Variants in SPRED1 observed in about 807,000 individuals in gnomAD.
SPRED1 encodes the protein sprouty related EVH1 domain containing 1.
Under a neutral mutation model 52.3 loss-of-function variants are expected in SPRED1, and 18 were observed. That is an observed-to-expected ratio of 0.34 (90% CI 0.24 to 0.51). The LOEUF (loss-of-function observed/expected upper bound fraction) is 0.51, where lower values mean the gene tolerates loss of function less well. SPRED1 is among the 20% of genes least tolerant of loss of function. SPRED1 has a pLI of 0.97. For synonymous variants in SPRED1, 155 were observed against 179.7 expected, an observed-to-expected ratio of 0.86 and a Z score of 1.10; for missense variants, 485 against 551.0, an observed-to-expected ratio of 0.88 and a Z score of 1.20.
chr15:38,351,402 C>G lies in SPRED1; in HGVS notation c.1073C>G (p.Pro358Arg), dbSNP rs760186912. ...GGAAAATGTCAGGATGCTCCAGACC[C>G]TATTAAAAGATGCATATATCAAGTT... The part of the protein sequence containing the change: ...VRGKCQDAPD[P>R]IKRCIYQVSC... The change falls in exon 7 of 7, where the codon CCT becomes CGT. Residue 358 changes from proline (P) to arginine (R), a missense_variant. Pro to Arg is a moderately radical substitution (Grantham distance 103). Coordinates refer to ENST00000299084, the MANE Select transcript of SPRED1 (RefSeq NM_152594.3). The G allele has an allele frequency of 6.2e-7, 1 of 1,614,078 alleles. No homozygotes were observed. The highest frequency in any genetic ancestry group is 8.5e-7 in the Non-Finnish European group (1 of 1,180,008).
intron 4 of SPRED1, among the ~76,000 whole-genome samples, chr15:38,338,048 A>AC (rs1012926679): frequency 1.3e-5 from 2 of 149,370 alleles, no homozygotes; most frequent in African/African-American, 4.9e-5. Flanking sequence ...TAAAAAAAAA[A>AC]AAAAAAAAAA....
chr15:38,338,077 C>T (rs1014823534), intron 4 of SPRED1, among the ~76,000 whole-genome samples: 2 of 144,770 alleles, frequency 1.4e-5, no homozygotes, highest in African/African-American at 2.6e-5. Context: ...CTGGGCGTGG[C>T]GGCGGGCTCC....
chr15:38,319,328 G>C (rs1270680924), intron 2 of SPRED1, among the ~76,000 whole-genome samples: 1 of 152,148 alleles, frequency 6.6e-6, no homozygotes, highest in Non-Finnish European at 1.5e-5. Flanking sequence ...TAGTAAATCT[G>C]TGTAAAATGC....
intron 1 of SPRED1, among the ~76,000 whole-genome samples, chr15:38,280,205 A>G (rs1365357866): frequency 2.6e-5 from 4 of 152,202 alleles, no homozygotes; most frequent in Non-Finnish European, 5.9e-5. Context: ...ACTGATTCTT[A>G]AAGTGTAGGT....
chr15:38,253,024 G>C lies in SPRED1; in HGVS notation c.-162G>C. The stretch of plus-strand genomic sequence containing the variant: ...GCGGGGGTGGCCGGGGTTCCCGGCT[G>C]GGGGGGTACCGTTCTGGGTGAGGCA... On this transcript the variant is annotated 5_prime_UTR_variant, in exon 1 of 7. Transcript: ENST00000299084. 1.5e-6 allele frequency: 1 copy of C among 673,228 alleles called. No homozygotes were observed. Among genetic ancestry groups the C allele is most frequent in the South Asian group, 1.6e-5 (1 of 62,164 alleles). 41.7% of individuals were successfully genotyped at this position (673,228 alleles called of 1,614,324 possible). A position where few individuals can be genotyped will look rare whatever the true frequency, so the allele number is the denominator to read the frequency against.
At chr15:38,286,226 C>CAAAA (rs368405955) in intron 1 of SPRED1, among the ~76,000 whole-genome samples, 169 of 88,748 alleles carry the variant, frequency 1.9e-3, no homozygotes, top group Middle Eastern at 8.5e-3. Flanking sequence ...ACTCCAGCCT[C>CAAAA]AAAAAAAAAA....
At chr15:38,271,597 C>A (rs1038697201) in intron 1 of SPRED1, among the ~76,000 whole-genome samples, 1 of 152,180 alleles carries the variant, frequency 6.6e-6, no homozygotes, top group Non-Finnish European at 1.5e-5. Context: ...AAATCTAGAT[C>A]TTTCCATCGT....
chr15:38,331,372 T>C (rs1346206197), intron 4 of SPRED1, among the ~76,000 whole-genome samples: 3 of 152,138 alleles, frequency 2.0e-5, no homozygotes, highest in African/African-American at 7.2e-5. Context: ...TTTTGGCATT[T>C]CTCACCACCT....
In SPRED1 at chr15:38,339,524, G is replaced by A. The variant is rs577603779; in HGVS notation, c.424-213G>A. On this transcript the variant is annotated intron_variant, in intron 4 of 6. Transcript: ENST00000299084. Reference sequence around the variant, plus strand: ...TATTTTTAATAAGCCCATTTTTCTCGTGAAGTTGAATTTTTCTAAAAGTTC... The same window carrying A: ...TATTTTTAATAAGCCCATTTTTCTCATGAAGTTGAATTTTTCTAAAAGTTC... Among the ~76,000 whole-genome samples the A allele has an allele frequency of 2.4e-4, 36 of 152,048 alleles. No individual in the cohort carries two copies. The South Asian group carries it at 6.4e-3, about 27-fold the overall frequency.
intron 1 of SPRED1, among the ~76,000 whole-genome samples, chr15:38,259,933 A>G (rs1894173777): frequency 6.6e-6 from 1 of 152,200 alleles, no homozygotes; most frequent in Non-Finnish European, 1.5e-5. Context: ...TTTCACGCTA[A>G]GGTATTATGT....
At chr15:38,263,743 G>T (rs759405937) in intron 1 of SPRED1, among the ~76,000 whole-genome samples, 4 of 152,066 alleles carry the variant, frequency 2.6e-5, no homozygotes, top group Non-Finnish European at 4.4e-5. Flanking sequence ...TGGCTTCCCT[G>T]GTCTACTTTG....
At chr15:38,275,675 T>G (rs1894534675) in intron 1 of SPRED1, among the ~76,000 whole-genome samples, 1 of 152,116 alleles carries the variant, frequency 6.6e-6, no homozygotes. Flanking sequence ...TTTTTGTATT[T>G]TCAGTAGCGA....
intron 1 of SPRED1, among the ~76,000 whole-genome samples, chr15:38,275,597 A>C (rs1030628193): frequency 2.6e-5 from 4 of 152,128 alleles, no homozygotes; most frequent in Non-Finnish European, 5.9e-5. Flanking sequence ...TCCCAGGTTC[A>C]ATCAATTCCC....
rs183060290 is a variant in SPRED1, at chr15:38,341,768, A to T, written c.582+1873A>T. On this transcript the variant is annotated intron_variant, in intron 5 of 6. Transcript: ENST00000299084. ...TGGAACTTGGTTGATGGCCCAGCAT[A>T]TATGGTCAGTGTTTTATGTGCATTA... Among the ~76,000 whole-genome samples the T allele has an allele frequency of 3.7e-3, 561 of 152,188 alleles. 6 individuals carry two copies. The highest frequency in any genetic ancestry group is 0.011 in the South Asian group (54 of 4,826).
chr15:38,255,023 T>G (rs999277996), intron 1 of SPRED1, among the ~76,000 whole-genome samples: 14 of 152,354 alleles, frequency 9.2e-5, no homozygotes, highest in African/African-American at 3.1e-4. Context: ...TATCTCCTTG[T>G]TTCCTTCTGG....
At chr15:38,340,302 G>C (rs1335991734) in intron 5 of SPRED1, among the ~76,000 whole-genome samples, 9 of 152,070 alleles carry the variant, frequency 5.9e-5, no homozygotes. Flanking sequence ...TAATTGAAGT[G>C]ATTCTATTTT....
At chr15:38,312,410 A>G (rs1413373013) in intron 2 of SPRED1, among the ~76,000 whole-genome samples, 1 of 152,024 alleles carries the variant, frequency 6.6e-6, no homozygotes, top group Non-Finnish European at 1.5e-5. Context: ...CCTGTGCCCG[A>G]TTGTTTTTTG....
chr15:38,298,521 T>G (rs8040553), intron 1 of SPRED1: 312,162 of 325,860 alleles, frequency 0.96, 151,100 homozygotes, highest in East Asian at 1. Context: ...TAAAAAAAAT[T>G]AACTTCTGGT....
At chr15:38,261,642 C>T (rs750182536) in intron 1 of SPRED1, among the ~76,000 whole-genome samples, 3 of 152,098 alleles carry the variant, frequency 2.0e-5, no homozygotes, top group Non-Finnish European at 2.9e-5. Flanking sequence ...GGCGCCATCT[C>T]GGCTCACTGC....
Sources: gnomAD v4.1 joint callset for allele counts (sites outside exome capture counted in the v4.1 genomes callset) on GRCh38, gnomAD v4.1.1 for gene constraint, MANE v1.5 for transcripts, NCBI Gene and HGNC (gene_info 2026-07-23, HGNC 2026-07-21) for gene names.